GRID2: variants seen among roughly 807,000 people sequenced by gnomAD.
GRID2 encodes the protein glutamate receptor ionotropic, delta-2.
In GRID2, 33 loss-of-function variants were observed where a neutral mutation model predicts 114.8. The ratio of observed to expected loss-of-function variants is 0.29; its 90% CI spans 0.22 to 0.38. The LOEUF (loss-of-function observed/expected upper bound fraction) is 0.38. Among genes scored for constraint, GRID2 ranks in the 10% least tolerant of loss-of-function variants. The probability of loss-of-function intolerance (pLI) is 1.00; values close to 1 mark genes in which losing one functional copy is unlikely to be tolerated. For synonymous variants in GRID2, 505 were observed against 449.9 expected (o/e 1.12, Z -1.55); for missense variants, 1,184 against 1,257.7 (o/e 0.94, Z 0.89).
intron 2 of GRID2, among the ~76,000 whole-genome samples, chr4:92,607,733 G>A (rs1729527945): frequency 6.6e-6 from 1 of 151,874 alleles, no homozygotes; most frequent in Admixed American, 6.6e-5. Flanking sequence ...GTATAATAAG[G>A]TTCTCAACTC....
chr4:93,470,676 C>T (rs184855318), intron 11 of GRID2, among the ~76,000 whole-genome samples: 64 of 152,076 alleles, frequency 4.2e-4, no homozygotes, highest in Admixed American at 5.9e-4. Flanking sequence ...CGATCTCTCC[C>T]TGATTTTTCA....
chr4:92,811,370 A>G (rs1398328747), intron 2 of GRID2, among the ~76,000 whole-genome samples: 1 of 152,016 alleles, frequency 6.6e-6, no homozygotes, highest in Non-Finnish European at 1.5e-5. Flanking sequence ...TTTACTTAAT[A>G]TTTTCAGTAT....
chr4:93,262,030 G>C (rs1212754060), intron 8 of GRID2, among the ~76,000 whole-genome samples: 1 of 151,164 alleles, frequency 6.6e-6, no homozygotes, highest in African/African-American at 2.4e-5. Flanking sequence ...CTTCCACAAA[G>C]GGTTTAAAGA....
At chr4:92,317,434 G>T (rs1309351152) in intron 1 of GRID2, among the ~76,000 whole-genome samples, 1 of 152,188 alleles carries the variant, frequency 6.6e-6, no homozygotes, top group Admixed American at 6.5e-5. Flanking sequence ...ATAACAGATT[G>T]TTCGCAAACT....
intron 2 of GRID2, among the ~76,000 whole-genome samples, chr4:92,776,017 A>C (rs1211745822): frequency 6.6e-6 from 1 of 152,158 alleles, no homozygotes; most frequent in Non-Finnish European, 1.5e-5. Flanking sequence ...GACACACTAT[A>C]GGAAGGCCAT....
intron 10 of GRID2, among the ~76,000 whole-genome samples, chr4:93,432,367 A>C (rs560831139): frequency 6.6e-6 from 1 of 152,348 alleles, no homozygotes; most frequent in African/African-American, 2.4e-5. Context: ...ATGATTAAGG[A>C]AGCATAGCCA....
intron 2 of GRID2, among the ~76,000 whole-genome samples, chr4:92,765,850 A>C (rs566924020): frequency 1.3e-5 from 2 of 152,306 alleles, no homozygotes; most frequent in South Asian, 4.1e-4. Flanking sequence ...AGGCATGTGC[A>C]AGATTACTTT....
chr4:92,708,162 C>A (rs892888112), intron 2 of GRID2, among the ~76,000 whole-genome samples: 2 of 152,082 alleles, frequency 1.3e-5, no homozygotes, highest in East Asian at 3.9e-4. Context: ...CTGGACTTCC[C>A]ACAGTTTAAG....
chr4:93,643,857 G>A (rs1721841089), intron 14 of GRID2, among the ~76,000 whole-genome samples: 1 of 87,346 alleles, frequency 1.1e-5, no homozygotes, highest in South Asian at 3.7e-4. Context: ...CGAGCTTCCA[G>A]GCTGCTTTGT....
intron 1 of GRID2, among the ~76,000 whole-genome samples, chr4:92,444,130 C>G (rs527245825): frequency 6.6e-6 from 1 of 152,154 alleles, no homozygotes; most frequent in Admixed American, 6.5e-5. Context: ...ATCTTTCTCA[C>G]GGAGCAAAGA....
intron 1 of GRID2, among the ~76,000 whole-genome samples, chr4:92,485,054 G>A (rs1722797035): frequency 6.6e-6 from 1 of 150,870 alleles, no homozygotes; most frequent in Non-Finnish European, 1.5e-5. Flanking sequence ...AGGTCATTTT[G>A]TTATTGTTAT....
chr4:92,411,653 G>GTATATATATATA lies in GRID2; in HGVS notation c.88+106910_88+106911insATATATATATAT, dbSNP rs770186876. Among the ~76,000 whole-genome samples the GTATATATATATA allele has an allele frequency of 4.4e-4, 43 of 98,820 alleles. No individual in the cohort carries two copies. In the East Asian group the frequency reaches 5.9e-3, roughly 14 times the overall value. The allele number at this position is 98,820 out of a possible 152,430, so 64.8% of individuals were successfully genotyped here. On this transcript the variant is annotated intron_variant, in intron 1 of 15. Transcript: ENST00000282020. The stretch of plus-strand genomic sequence containing the variant: ...TGTGTGTGTGTGTGTGTGTGTGTGT[G>GTATATATATATA]TGTATATATATATATATATATATAT...
At chr4:93,127,704 C>CGGA (rs1439611995) in intron 4 of GRID2, among the ~76,000 whole-genome samples, 1 of 151,806 alleles carries the variant, frequency 6.6e-6, no homozygotes, top group Non-Finnish European at 1.5e-5. Flanking sequence ...ATTACTAGTA[C>CGGA]GGAGTGTGCT....
chr4:93,703,006 C>A (rs567866884), intron 14 of GRID2, among the ~76,000 whole-genome samples: 3 of 148,800 alleles, frequency 2.0e-5, no homozygotes, highest in East Asian at 2.0e-4. Flanking sequence ...GAGCAAATAA[C>A]TGAAAGGGGT....
intron 11 of GRID2, among the ~76,000 whole-genome samples, chr4:93,476,803 TATATC>T (rs1162537946): frequency 1.3e-5 from 2 of 151,958 alleles, no homozygotes; most frequent in African/African-American, 4.8e-5. Flanking sequence ...TTTTGAAACT[TATATC>T]AATGTTCTGA....
chr4:92,836,319 G>A (rs193274995), intron 2 of GRID2, among the ~76,000 whole-genome samples: 3 of 152,172 alleles, frequency 2.0e-5, no homozygotes, highest in Admixed American at 2.0e-4. Flanking sequence ...AAATATACTA[G>A]CACACATTCC....
At chr4:92,623,838 A>C (rs1730391497) in intron 2 of GRID2, among the ~76,000 whole-genome samples, 1 of 151,756 alleles carries the variant, frequency 6.6e-6, no homozygotes, top group Non-Finnish European at 1.5e-5. Context: ...TGTAACTGAT[A>C]TTTTATACCA....
chr4:92,930,736 A>T (rs958256787), intron 2 of GRID2, among the ~76,000 whole-genome samples: 1 of 151,088 alleles, frequency 6.6e-6, no homozygotes, highest in Non-Finnish European at 1.5e-5. Flanking sequence ...GATGTTTTGG[A>T]TTAGAATGAA....
At chr4:92,857,304 G>A (rs1744242358) in intron 2 of GRID2, among the ~76,000 whole-genome samples, 1 of 151,904 alleles carries the variant, frequency 6.6e-6, no homozygotes, top group South Asian at 2.1e-4. Context: ...AAAGAGTGTT[G>A]AAAGCCAAAA....
Sources: gnomAD v4.1 joint callset for allele counts (sites outside exome capture counted in the v4.1 genomes callset) on GRCh38, gnomAD v4.1.1 for gene constraint, MANE v1.5 for transcripts, NCBI Gene and HGNC (gene_info 2026-07-23, HGNC 2026-07-21) for gene names.